The following MAN1C1 variants were observed in gnomAD, a reference collection of about 807,000 sequenced individuals.
MAN1C1 encodes mannosyl-oligosaccharide 1,2-alpha-mannosidase IC.
A neutral mutation model predicts 71.5 loss-of-function variants in MAN1C1; 49 were observed. The ratio of observed to expected loss-of-function variants is 0.69; its 90% CI spans 0.54 to 0.87. The LOEUF is 0.87. MAN1C1 is among the 40% of genes least tolerant of loss of function. MAN1C1 has a pLI of 0.00. For missense variants in MAN1C1, 743 were observed against 835.0 expected, an observed-to-expected ratio of 0.89 and a Z score of 1.36; for synonymous variants, 352 against 343.7, an observed-to-expected ratio of 1.02 and a Z score of -0.27.
chr1:25,743,709 C>T (rs1240904981), intron 2 of MAN1C1, among the ~76,000 whole-genome samples: 3 of 152,322 alleles, frequency 2.0e-5, no homozygotes, highest in Admixed American at 6.5e-5. Flanking sequence ...GAGCTGGTCA[C>T]GAGGAGTCCT....
chr1:25,638,910 A>G (rs2982305), intron 1 of MAN1C1, among the ~76,000 whole-genome samples: 66,404 of 151,894 alleles, frequency 0.44, 19,131 homozygotes, highest in African/African-American at 0.8. Flanking sequence ...ATATTTTTTC[A>G]TCAGTTTGGA....
chr1:25,770,064 C>T (rs1380209636), intron 7 of MAN1C1, among the ~76,000 whole-genome samples: 2 of 152,104 alleles, frequency 1.3e-5, no homozygotes, highest in Non-Finnish European at 2.9e-5. Context: ...AGAGGACAAC[C>T]CATGACTTCC....
chr1:25,621,037 T>C (rs1251668694), intron 1 of MAN1C1, among the ~76,000 whole-genome samples: 1 of 152,252 alleles, frequency 6.6e-6, no homozygotes, highest in Non-Finnish European at 1.5e-5. Context: ...CTCAACTGTC[T>C]GACTTTGGGC....
intron 8 of MAN1C1, chr1:25,777,796 TGGA>T (rs1011880475): frequency 2.2e-5 from 6 of 278,780 alleles, no homozygotes; most frequent in Non-Finnish European, 4.0e-5. Context: ...GAGGACATAA[TGGA>T]GGAGGAGGAT....
At chr1:25,774,527 G>A (rs1021193436) in intron 8 of MAN1C1, among the ~76,000 whole-genome samples, 6 of 152,148 alleles carry the variant, frequency 3.9e-5, no homozygotes, top group East Asian at 1.9e-4. Flanking sequence ...CCCCTCCCGC[G>A]AGTGCTCAGA....
At chr1:25,643,769 AG>A (rs1237713952) in intron 1 of MAN1C1, among the ~76,000 whole-genome samples, 1 of 151,746 alleles carries the variant, frequency 6.6e-6, no homozygotes, top group Non-Finnish European at 1.5e-5. Context: ...TGCCTCTCAG[AG>A]TGCTGGGATT....
chr1:25,740,548 T>G lies in MAN1C1; in HGVS notation c.638-6120T>G, dbSNP rs373128820. Among the ~76,000 whole-genome samples, 26 of 152,206 alleles carry G rather than the reference T, an allele frequency of 1.7e-4. 1 individual carries two copies. Among genetic ancestry groups the G allele is most frequent in the African/African-American group, 6.0e-4 (25 of 41,540 alleles). Reference sequence around the variant, plus strand: ...GCCTCCCGAGTTCATGCCATTCTCCTGTCTCAGCCTCCCAAGCAGCTGGGA... The same window carrying G: ...GCCTCCCGAGTTCATGCCATTCTCCGGTCTCAGCCTCCCAAGCAGCTGGGA... On this transcript the variant is annotated intron_variant, in intron 2 of 11. Coordinates refer to ENST00000374332, the MANE Select transcript of MAN1C1 (RefSeq NM_020379.4).
intron 4 of MAN1C1, 137 bp downstream of exon 4, chr1:25,749,472 AC>A: frequency 1.6e-6 from 1 of 614,070 alleles, no homozygotes; most frequent in East Asian, 3.1e-5. Flanking sequence ...ACCCAAGTCC[AC>A]CCCTGAGGGC....
In MAN1C1 at chr1:25,783,728, A is replaced by G; in HGVS notation, c.1832A>G (p.Glu611Gly). 6.2e-7 allele frequency: 1 copy of G among 1,613,362 alleles called. No individual in the cohort carries two copies. Among genetic ancestry groups the G allele is most frequent in the Non-Finnish European group, 8.5e-7 (1 of 1,180,010 alleles). Residue 611 changes from glutamate to glycine, a missense_variant, in exon 12 of 12, where the codon GAG (glutamate) becomes GGG (glycine). Physicochemically the swap from Glu to Gly is moderately conservative, Grantham distance 98. Transcript: ENST00000374332. ...CTGGAAGACTGGGTGTTCAACACCG[A>G]GGCCCACCCACTCCCGGTGAACCAC... The part of the protein sequence containing the change: ...LSLEDWVFNT[E>G]AHPLPVNHSD...
chr1:25,674,401 C>G (rs1260806692), intron 1 of MAN1C1, among the ~76,000 whole-genome samples: 1 of 152,176 alleles, frequency 6.6e-6, no homozygotes, highest in African/African-American at 2.4e-5. Context: ...CTCCTAGGTG[C>G]TAGGGAGCAG....
intron 2 of MAN1C1, among the ~76,000 whole-genome samples, chr1:25,701,370 C>T (rs1157605766): frequency 6.6e-6 from 1 of 152,240 alleles, no homozygotes; most frequent in Non-Finnish European, 1.5e-5. Flanking sequence ...AGACCCCTTC[C>T]TGTGAGTTTC....
rs2047248973 is a variant in MAN1C1, at chr1:25,753,761, G to A, written c.929+183G>A. On this transcript the variant is annotated intron_variant, in intron 5 of 11. Coordinates refer to ENST00000374332, the MANE Select transcript of MAN1C1 (RefSeq NM_020379.4). This position sits in a 1 kb window ranked among gnomAD's most constrained non-coding sequence, Gnocchi z 4.9. The stretch of plus-strand genomic sequence containing the variant: ...TGATGTAGAAACTGAGGCACAGGGA[G>A]AGGACCATACCTACCTTGGGAGCCA... Among the ~76,000 whole-genome samples the A allele has an allele frequency of 1.3e-5, 2 of 152,126 alleles. No homozygotes were observed. Among genetic ancestry groups the A allele is most frequent in the Non-Finnish European group, 2.9e-5 (2 of 68,016 alleles).
intron 1 of MAN1C1, among the ~76,000 whole-genome samples, chr1:25,618,696 T>G (rs1395746474): frequency 1.3e-5 from 2 of 152,128 alleles, no homozygotes; most frequent in Middle Eastern, 3.2e-3. Flanking sequence ...GAGTTCAGGT[T>G]CCTTAGTGCA....
intron 4 of MAN1C1, among the ~76,000 whole-genome samples, chr1:25,751,523 A>G (rs2047215961): frequency 6.6e-6 from 1 of 152,214 alleles, no homozygotes; most frequent in East Asian, 1.9e-4. Context: ...GTGACTTGAA[A>G]AACAGCTCAA....
intron 2 of MAN1C1, among the ~76,000 whole-genome samples, chr1:25,719,204 C>G (rs868703731): frequency 6.7e-6 from 1 of 149,880 alleles, no homozygotes; most frequent in Non-Finnish European, 1.5e-5. Context: ...TCCCGAGTAG[C>G]TGGGACTACA....
intron 2 of MAN1C1, among the ~76,000 whole-genome samples, chr1:25,732,542 G>A (rs886386262): frequency 6.6e-5 from 10 of 152,172 alleles, no homozygotes; most frequent in African/African-American, 2.4e-4. Flanking sequence ...ACATGGTGTC[G>A]GCCTTCACGC....
At chr1:25,669,050 C>G (rs1431081878) in intron 1 of MAN1C1, among the ~76,000 whole-genome samples, 1 of 152,280 alleles carries the variant, frequency 6.6e-6, no homozygotes, top group East Asian at 1.9e-4. Flanking sequence ...AGTTGTACCT[C>G]AAAAGCAAGT....
intron 1 of MAN1C1, among the ~76,000 whole-genome samples, chr1:25,628,816 G>C (rs1411747264): frequency 1.3e-5 from 2 of 152,024 alleles, no homozygotes; most frequent in Non-Finnish European, 2.9e-5. Context: ...TCATAACTTA[G>C]CTCCCATTTA....
chr1:25,711,284 C>T lies in MAN1C1; in HGVS notation c.637+24748C>T, dbSNP rs1254271880. The stretch of plus-strand genomic sequence containing the variant: ...CAAGGAGTGAAGAGAGAGACTCCAT[C>T]TCTTGATGGGAACAACCGCTAAGTC... On this transcript the variant is annotated intron_variant, in intron 2 of 11. Coordinates refer to ENST00000374332, the MANE Select transcript of MAN1C1 (RefSeq NM_020379.4). The surrounding 1 kb of genome is among the most constrained non-coding windows in gnomAD (Gnocchi z 4.3). Among the ~76,000 whole-genome samples, 4 of 152,218 alleles carry T rather than the reference C, an allele frequency of 2.6e-5. No individual in the cohort carries two copies. Among genetic ancestry groups the T allele is most frequent in the Non-Finnish European group, 4.4e-5 (3 of 68,046 alleles).
Sources: gnomAD v4.1 joint callset for allele counts (sites outside exome capture counted in the v4.1 genomes callset) on GRCh38, gnomAD v4.1.1 for gene constraint, Gnocchi (gnomAD v3.1) non-coding constraint, MANE v1.5 for transcripts, NCBI Gene and HGNC (gene_info 2026-07-23, HGNC 2026-07-21) for gene names.